AGBL1: variants seen among roughly 807,000 people sequenced by gnomAD.
AGBL1 encodes AGBL carboxypeptidase 1.
AGBL1 carries 130 observed loss-of-function variants against 118.9 expected under a neutral mutation model. The observed-to-expected ratio is 1.09, with a 90% CI of 0.95 to 1.26. AGBL1 has a LOEUF of 1.26. AGBL1 is among the 50% of genes most tolerant of loss of function. The pLI is 0.00. For synonymous variants in AGBL1, 555 were observed against 478.9 expected (o/e 1.16, Z -2.08); for missense variants, 1,584 against 1,298.1 (o/e 1.22, Z -3.38).
intron 18 of AGBL1, among the ~76,000 whole-genome samples, chr15:86,476,557 A>G (rs1337615712): frequency 6.6e-6 from 1 of 152,224 alleles, no homozygotes; most frequent in Non-Finnish European, 1.5e-5. Flanking sequence ...TGCACCCAAT[A>G]CAGGAGCACC....
chr15:86,822,705 A>C (rs78251258), intron 22 of AGBL1, among the ~76,000 whole-genome samples: 7,051 of 152,224 alleles, frequency 0.046, 219 homozygotes, highest in Non-Finnish European at 0.076. Flanking sequence ...GGAGGTAAAC[A>C]TCTAACAGGG....
chr15:86,788,145 T>C (rs11632568), intron 22 of AGBL1, among the ~76,000 whole-genome samples: 67,276 of 152,048 alleles, frequency 0.44, 17,241 homozygotes, highest in Non-Finnish European at 0.61. Flanking sequence ...GAGTTTGAGG[T>C]AGTGGCTCTG....
intron 24 of AGBL1, among the ~76,000 whole-genome samples, chr15:86,996,332 C>T (rs187320378): frequency 6.6e-6 from 1 of 152,172 alleles, no homozygotes; most frequent in Non-Finnish European, 1.5e-5. Flanking sequence ...ACTAAGCCCC[C>T]CTCCCAAGGA....
chr15:86,507,828 A>C (rs377695902), intron 18 of AGBL1, among the ~76,000 whole-genome samples: 65 of 152,222 alleles, frequency 4.3e-4, no homozygotes, highest in African/African-American at 1.5e-3. Flanking sequence ...TATATACTAA[A>C]TATTTTGAAG....
At chr15:87,014,517 A>T (rs2081590990) in intron 24 of AGBL1, among the ~76,000 whole-genome samples, 1 of 152,180 alleles carries the variant, frequency 6.6e-6, no homozygotes, top group Non-Finnish European at 1.5e-5. Flanking sequence ...AACTTGGATG[A>T]AAATGTATCC....
chr15:86,947,995 A>G (rs2080843091), intron 23 of AGBL1, among the ~76,000 whole-genome samples: 1 of 152,196 alleles, frequency 6.6e-6, no homozygotes, highest in South Asian at 2.1e-4. Context: ...CCCCATTAAC[A>G]TGATGTTAAG....
At chr15:86,578,777 C>T (rs985708003) in intron 21 of AGBL1, among the ~76,000 whole-genome samples, 11 of 152,152 alleles carry the variant, frequency 7.2e-5, no homozygotes, top group Non-Finnish European at 1.3e-4. Context: ...CCATGTAAGA[C>T]GTGACTTGCG....
At chr15:86,821,625 C>T (rs938897167) in intron 22 of AGBL1, among the ~76,000 whole-genome samples, 46 of 152,068 alleles carry the variant, frequency 3.0e-4, no homozygotes, top group Non-Finnish European at 2.8e-4. Context: ...TATGTAATGG[C>T]CATAGATGTC....
At chr15:86,925,187 A>AC (rs1477778706) in intron 23 of AGBL1, among the ~76,000 whole-genome samples, 34 of 79,966 alleles carry the variant, frequency 4.3e-4, no homozygotes, top group African/African-American at 2.4e-3. Context: ...GAGGAAGAGG[A>AC]AGAAAAGAAG....
chr15:86,378,045 G>T (rs1390922064), intron 17 of AGBL1, among the ~76,000 whole-genome samples: 1 of 152,070 alleles, frequency 6.6e-6, no homozygotes, highest in Non-Finnish European at 1.5e-5. Context: ...TTACAAACCT[G>T]GGCTTCATGC....
chr15:86,767,143 G>A (rs1345203503), intron 22 of AGBL1, among the ~76,000 whole-genome samples: 2 of 151,938 alleles, frequency 1.3e-5, no homozygotes, highest in Admixed American at 1.3e-4. Flanking sequence ...AGCTATATAA[G>A]TGAAGCTCAG....
At chr15:86,485,499 T>C (rs1178459674) in intron 18 of AGBL1, among the ~76,000 whole-genome samples, 3 of 152,258 alleles carry the variant, frequency 2.0e-5, no homozygotes, top group Middle Eastern at 3.4e-3. Flanking sequence ...ACTTTAACTC[T>C]GCTGTTATAG....
intron 22 of AGBL1, among the ~76,000 whole-genome samples, chr15:86,841,194 T>A (rs922286992): frequency 3.9e-5 from 6 of 152,170 alleles, no homozygotes; most frequent in African/African-American, 4.8e-5. Flanking sequence ...AGAAGAAAGA[T>A]GGCAGTTGAC....
intron 17 of AGBL1, among the ~76,000 whole-genome samples, chr15:86,339,436 T>A (rs903461468): frequency 6.6e-6 from 1 of 152,178 alleles, no homozygotes; most frequent in Non-Finnish European, 1.5e-5. Context: ...CCTTTTTGGC[T>A]CCACCATCTT....
At chr15:86,235,335 G>A (rs1345183916) in intron 6 of AGBL1, among the ~76,000 whole-genome samples, 1 of 152,174 alleles carries the variant, frequency 6.6e-6, no homozygotes, top group Non-Finnish European at 1.5e-5. Context: ...ATAAGTGAAT[G>A]CGTGCAGATT....
intron 18 of AGBL1, among the ~76,000 whole-genome samples, chr15:86,436,744 G>A (rs2082004994): frequency 6.6e-6 from 1 of 152,206 alleles, no homozygotes; most frequent in South Asian, 2.1e-4. Flanking sequence ...CTGTTAATGA[G>A]GAATAGGGAC....
At chr15:86,973,674 A>C (rs1407480545) in intron 23 of AGBL1, among the ~76,000 whole-genome samples, 2 of 151,904 alleles carry the variant, frequency 1.3e-5, no homozygotes, top group African/African-American at 4.8e-5. Context: ...CTCCAGGCAG[A>C]AAGAGAAAGG....
rs540489842 is a variant in AGBL1, at chr15:86,257,874, A to G, written c.902-90A>G. The G allele has an allele frequency of 3.7e-5, 46 of 1,255,378 alleles. No individual in the cohort carries two copies. The East Asian group carries it at 9.5e-4, about 26-fold the overall frequency. The allele number at this position is 1,255,378 out of a possible 1,614,324, so 77.8% of individuals were successfully genotyped here. ...TGGGCCCCTTATTTGAGAGAGGAAG[A>G]AGAAAGAACCACTGTATGGTGAAAA... On this transcript the variant is annotated intron_variant, in intron 8 of 22. Coordinates refer to ENST00000614907, the MANE Select transcript of AGBL1 (RefSeq NM_001386094.1).
intron 22 of AGBL1, among the ~76,000 whole-genome samples, chr15:86,886,171 C>G (rs777288295): frequency 1.7e-4 from 26 of 152,016 alleles, no homozygotes; most frequent in South Asian, 8.3e-4. Context: ...AAGTAAGAAG[C>G]AAAATAAAAC....
Sources: allele counts gnomAD v4.1 joint callset (sites outside exome capture counted in the v4.1 genomes callset), GRCh38; gene constraint gnomAD v4.1.1; transcripts MANE v1.5; gene names NCBI Gene and HGNC (gene_info 2026-07-23, HGNC 2026-07-21).